The following KLHL29 variants were observed in gnomAD, a reference collection of about 807,000 sequenced individuals.
The protein encoded by KLHL29 is kelch-like protein 29.
KLHL29 carries 21 observed loss-of-function variants against 80.4 expected under a neutral mutation model. The observed-to-expected ratio is 0.26, with a 90% CI of 0.19 to 0.38. KLHL29 has a LOEUF of 0.38. KLHL29 is among the 10% of genes least tolerant of loss of function. The pLI is 1.00. For synonymous variants in KLHL29, 511 were observed against 526.8 expected, an observed-to-expected ratio of 0.97 and a Z score of 0.41; for missense variants, 867 against 1,223.9, an observed-to-expected ratio of 0.71 and a Z score of 4.35.
intron 2 of KLHL29, among the ~76,000 whole-genome samples, chr2:23,560,146 C>T (rs1039160150): frequency 7.3e-5 from 11 of 151,484 alleles, no homozygotes; most frequent in African/African-American, 2.4e-4. Flanking sequence ...GTGAACAGGA[C>T]GAGGAAACTG....
chr2:23,519,142 G>A (rs1024093114), intron 2 of KLHL29, among the ~76,000 whole-genome samples: 1 of 152,120 alleles, frequency 6.6e-6, no homozygotes, highest in African/African-American at 2.4e-5. Context: ...GTGCCCAGAG[G>A]CTATGTCAGA....
chr2:23,583,794 C>T (rs939357374), intron 3 of KLHL29, among the ~76,000 whole-genome samples: 1 of 152,240 alleles, frequency 6.6e-6, no homozygotes, highest in African/African-American at 2.4e-5. Context: ...AATCAAAAAA[C>T]CACATAAGCC....
intron 3 of KLHL29, among the ~76,000 whole-genome samples, chr2:23,597,341 GTGTGTATGTATA>G (rs1668439193): frequency 7.5e-6 from 1 of 133,750 alleles, no homozygotes; most frequent in Non-Finnish European, 1.5e-5. Context: ...GTGTGTGTGT[GTGTGTATGTATA>G]TGTGTATGTA....
At position 23,512,608 on chromosome 2, in the gene KLHL29, C is replaced by T. The variant is rs1001235891; in HGVS notation, c.-46+36941C>T. 2.0e-5 allele frequency among the ~76,000 whole-genome samples: 3 copies of T among 152,194 alleles called. No homozygotes were observed. The East Asian group carries it at 5.8e-4, about 29-fold the overall frequency. On this transcript the variant is annotated intron_variant, in intron 2 of 13. Transcript: ENST00000486442. ...TTCCACCCAAATGAGTGATGTTCTG[C>T]GAATTTACTTCAAACAAGATATCAC...
At chr2:23,528,837 C>A (rs897057751) in intron 2 of KLHL29, among the ~76,000 whole-genome samples, 2 of 152,236 alleles carry the variant, frequency 1.3e-5, no homozygotes, top group Non-Finnish European at 2.9e-5. Context: ...CAGCCTGACT[C>A]GCAGTGCTAT....
At chr2:23,537,555 G>C (rs147033680) in intron 2 of KLHL29, among the ~76,000 whole-genome samples, 1,812 of 152,254 alleles carry the variant, frequency 0.012, 38 homozygotes, top group African/African-American at 0.042. Flanking sequence ...TTAGTGCTTA[G>C]AATGCAGAGT....
At chr2:23,523,750 C>A (rs1247173655) in intron 2 of KLHL29, among the ~76,000 whole-genome samples, 1 of 152,228 alleles carries the variant, frequency 6.6e-6, no homozygotes, top group African/African-American at 2.4e-5. Context: ...CTGAGTTCAT[C>A]TCTTTGCAAG....
intron 11 of KLHL29, among the ~76,000 whole-genome samples, chr2:23,698,210 C>A (rs990933603): frequency 2.6e-5 from 4 of 152,192 alleles, no homozygotes; most frequent in Non-Finnish European, 4.4e-5. Context: ...ACCCCGGGAA[C>A]CCCAAGAGAT....
chr2:23,460,900 C>T (rs550835905), intron 1 of KLHL29, among the ~76,000 whole-genome samples: 7 of 152,234 alleles, frequency 4.6e-5, no homozygotes, highest in South Asian at 2.1e-4. Flanking sequence ...CCAGCAGTTC[C>T]GGGCAGAGGC....
At chr2:23,442,499 G>A (rs192552945) in intron 1 of KLHL29, among the ~76,000 whole-genome samples, 1 of 152,270 alleles carries the variant, frequency 6.6e-6, no homozygotes, top group East Asian at 1.9e-4. Context: ...CTTTGAAGAT[G>A]GAGGAAGGGG....
Position 23,687,754 on chromosome 2 carries a change from C to T in KLHL29, c.1079+3217C>T, listed in dbSNP as rs77140612. On this transcript the variant is annotated intron_variant, in intron 6 of 13. Transcript: ENST00000486442. ...AGTGGGGAAGAGCAAGGTCGAAAGG[C>T]GGGAGGGGGTCTCAGGTCCCACAGG... 9.0e-4 allele frequency among the ~76,000 whole-genome samples: 137 copies of T among 152,182 alleles called. 3 individuals carry two copies. In the East Asian group the frequency reaches 0.025, roughly 28 times the overall value.
chr2:23,422,489 G>A (rs1662846646), intron 1 of KLHL29, among the ~76,000 whole-genome samples: 3 of 150,344 alleles, frequency 2.0e-5, no homozygotes, highest in Admixed American at 6.6e-5. Context: ...GTGTGTCCCT[G>A]TGTGTCTGCC....
chr2:23,630,424 C>A (rs1669439461), intron 3 of KLHL29, among the ~76,000 whole-genome samples: 1 of 152,190 alleles, frequency 6.6e-6, no homozygotes, highest in Admixed American at 6.5e-5. Context: ...ATCTGAAGGT[C>A]TTGTGATAAA....
chr2:23,490,801 A>C (rs1558357661), intron 2 of KLHL29, among the ~76,000 whole-genome samples: 2 of 151,660 alleles, frequency 1.3e-5, no homozygotes, highest in African/African-American at 4.8e-5. Context: ...CCCAACCTAA[A>C]CCCCCCCATG....
intron 5 of KLHL29, among the ~76,000 whole-genome samples, chr2:23,663,471 G>C (rs1487327926): frequency 1.3e-5 from 2 of 152,190 alleles, no homozygotes; most frequent in South Asian, 2.1e-4. Flanking sequence ...GGAGGTTCCC[G>C]GGCCCGCGGA....
intron 1 of KLHL29, among the ~76,000 whole-genome samples, chr2:23,387,504 TTTATTATTATTATTATTA>T (rs34918880): frequency 2.4e-4 from 28 of 117,680 alleles, no homozygotes; most frequent in African/African-American, 6.1e-4. Context: ...TCATTCCTGA[TTTATTATTATTATTATTA>T]TTATTATTAT....
At chr2:23,541,390 A>G (rs1005853896) in intron 2 of KLHL29, among the ~76,000 whole-genome samples, 4 of 152,236 alleles carry the variant, frequency 2.6e-5, no homozygotes, top group Non-Finnish European at 4.4e-5. Flanking sequence ...TTCCATGCTC[A>G]TCAGAAGCCT....
At chr2:23,586,588 T>G (rs1337150863) in intron 3 of KLHL29, among the ~76,000 whole-genome samples, 5 of 152,130 alleles carry the variant, frequency 3.3e-5, no homozygotes, top group Admixed American at 6.5e-5. Flanking sequence ...CTTGAACTCC[T>G]GACCTCAGGT....
intron 2 of KLHL29, among the ~76,000 whole-genome samples, chr2:23,512,481 A>G (rs1665802484): frequency 6.6e-6 from 1 of 152,188 alleles, no homozygotes; most frequent in South Asian, 2.1e-4. Context: ...AAAAATACCT[A>G]TCACATTGTG....
Sources: allele counts gnomAD v4.1 joint callset (sites outside exome capture counted in the v4.1 genomes callset), GRCh38; gene constraint gnomAD v4.1.1; transcripts MANE v1.5; gene names NCBI Gene and HGNC (gene_info 2026-07-23, HGNC 2026-07-21).